OXCT1: variants seen among roughly 807,000 people sequenced by gnomAD.
The protein encoded by OXCT1 is succinyl-CoA:3-ketoacid coenzyme A transferase 1, mitochondrial.
In OXCT1, 27 loss-of-function variants were observed where a neutral mutation model predicts 69.6. The ratio of observed to expected loss-of-function variants is 0.39; its 90% CI spans 0.29 to 0.54. The LOEUF is 0.54. Among genes scored for constraint, OXCT1 ranks in the 20% least tolerant of loss-of-function variants. The pLI is 0.72. For synonymous variants in OXCT1, 202 were observed against 217.8 expected (o/e 0.93, Z 0.64); for missense variants, 437 against 650.2 (o/e 0.67, Z 3.57).
At chr5:41,846,014 T>C (rs955866871) in intron 5 of OXCT1, among the ~76,000 whole-genome samples, 4 of 152,080 alleles carry the variant, frequency 2.6e-5, no homozygotes, top group Non-Finnish European at 5.9e-5. Flanking sequence ...GCTTAAGAAA[T>C]AGAACATTAA....
intron 7 of OXCT1, among the ~76,000 whole-genome samples, chr5:41,817,371 A>G (rs1747301014): frequency 6.6e-6 from 1 of 152,212 alleles, no homozygotes; most frequent in Non-Finnish European, 1.5e-5. Flanking sequence ...TTAAAATGAA[A>G]AAGTTGAACT....
intron 7 of OXCT1, among the ~76,000 whole-genome samples, chr5:41,809,831 C>T (rs933483057): frequency 6.6e-6 from 1 of 152,020 alleles, no homozygotes; most frequent in Non-Finnish European, 1.5e-5. Context: ...GGTAAAACAA[C>T]TCCGATAAGC....
At chr5:41,746,398 G>A (rs751426390) in intron 15 of OXCT1, among the ~76,000 whole-genome samples, 9 of 152,002 alleles carry the variant, frequency 5.9e-5, no homozygotes, top group Non-Finnish European at 1.3e-4. Context: ...ATTTTCTCTG[G>A]ATCTGATAAT....
chr5:41,757,379 T>C (rs1167212003), intron 14 of OXCT1, among the ~76,000 whole-genome samples: 1 of 151,966 alleles, frequency 6.6e-6, no homozygotes, highest in Non-Finnish European at 1.5e-5. Flanking sequence ...TCTTTGTTGC[T>C]CCCCAACAAT....
chr5:41,736,566 C>T (rs1273318912), intron 16 of OXCT1, among the ~76,000 whole-genome samples: 2 of 151,880 alleles, frequency 1.3e-5, no homozygotes, highest in African/African-American at 2.4e-5. Context: ...ATCCTAAAAC[C>T]AAAATTTTGT....
Position 41,739,486 on chromosome 5 carries a change from C to T in OXCT1, c.1425G>A (p.Val475=). 6.2e-7 allele frequency: 1 copy of T among 1,607,004 alleles called. No homozygotes were observed. Among genetic ancestry groups the T allele is most frequent in the Non-Finnish European group, 8.5e-7 (1 of 1,173,552 alleles). ...ACCCTTTCTTCTTGTCCACATCAAA[C>T]ACAGCCTGTCAGAGTGGGAAGAAAA... is the stretch of plus-strand genomic sequence containing the variant. ...CVNRIITEKA[V]FDVDKKKGLT... The change falls in exon 16 of 17, where the codon GTG becomes GTA. Residue 475 remains valine, a synonymous_variant. Coordinates refer to ENST00000196371, the MANE Select transcript of OXCT1 (RefSeq NM_000436.4).
At chr5:41,869,241 G>A (rs1223105441) in intron 1 of OXCT1, among the ~76,000 whole-genome samples, 1 of 152,202 alleles carries the variant, frequency 6.6e-6, no homozygotes, top group Admixed American at 6.5e-5. Flanking sequence ...GGGATTGGAT[G>A]CAGGAAAGAG....
intron 7 of OXCT1, among the ~76,000 whole-genome samples, chr5:41,827,723 T>C (rs1747876785): frequency 1.3e-5 from 2 of 152,180 alleles, no homozygotes; most frequent in Non-Finnish European, 2.9e-5. Context: ...AACTTCCTGA[T>C]TTGAGGCTTT....
rs542806259 is a variant in OXCT1, at chr5:41,738,050, G to A, written c.1521+1340C>T. Among the ~76,000 whole-genome samples, 498 of 151,890 alleles carry A rather than the reference G, an allele frequency of 3.3e-3. 2 individuals carry two copies. Among genetic ancestry groups the A allele is most frequent in the African/African-American group, 0.011 (453 of 41,434 alleles). ...AGCCTGGGCAACAGAACAAGACTCCGTCTTAAAAAAAAAATGTGTTATGCA... is the reference window on the plus strand; with the variant it reads ...AGCCTGGGCAACAGAACAAGACTCCATCTTAAAAAAAAAATGTGTTATGCA... On this transcript the variant is annotated intron_variant, in intron 16 of 16. Transcript: ENST00000196371.
chr5:41,762,086 A>T lies in OXCT1; in HGVS notation c.1338+25T>A, dbSNP rs1394973769. ...TGTATTGCAAATTTCCAAAAGCAGT[A>T]TTTGGGGAGCACAGTACATGTTACC... On this transcript the variant is annotated intron_variant, in intron 14 of 16. Transcript: ENST00000196371. This position sits in a 1 kb window ranked among gnomAD's most constrained non-coding sequence, Gnocchi z 4.0. 3.3e-6 allele frequency: 5 copies of T among 1,535,448 alleles called. No homozygotes were observed. The highest frequency in any genetic ancestry group is 3.3e-5 in the Admixed American group (2 of 59,858).
At chr5:41,741,465 T>G (rs1743164550) in intron 15 of OXCT1, among the ~76,000 whole-genome samples, 1 of 152,150 alleles carries the variant, frequency 6.6e-6, no homozygotes, top group African/African-American at 2.4e-5. Flanking sequence ...AAAATGTACT[T>G]CCCAAGATTG....
At chr5:41,743,795 T>C (rs1442494620) in intron 15 of OXCT1, among the ~76,000 whole-genome samples, 3 of 152,236 alleles carry the variant, frequency 2.0e-5, no homozygotes, top group African/African-American at 2.4e-5. Context: ...GTTGTACATA[T>C]GTGGCATTAT....
chr5:41,743,504 T>C (rs1743300202), intron 15 of OXCT1, among the ~76,000 whole-genome samples: 1 of 152,256 alleles, frequency 6.6e-6, no homozygotes, highest in Admixed American at 6.5e-5. Context: ...TTTGTCAATT[T>C]TGGCTTTTGT....
rs759374202 is a variant in OXCT1 at position 41,861,334 on chromosome 5, A to G, written c.258T>C (p.Thr86=). Residue 86 remains threonine, a synonymous_variant, in exon 3 of 17, where the codon ACT becomes ACC. Coordinates refer to ENST00000196371, the MANE Select transcript of OXCT1 (RefSeq NM_000436.4). ...CTTACCCTGCATTGTTGCTGACTGC[A>G]GTTAGTCCTTTTACTCCAGTTTTCA... The part of the protein sequence containing the change: ...ALLKTGVKGL[T]AVSNNAGVDN... 6.2e-7 allele frequency: 1 copy of G among 1,608,086 alleles called. No individual in the cohort carries two copies. Among genetic ancestry groups the G allele is most frequent in the South Asian group, 1.1e-5 (1 of 90,992 alleles).
At chr5:41,808,826 G>T (rs186578752) in intron 7 of OXCT1, among the ~76,000 whole-genome samples, 108 of 152,188 alleles carry the variant, frequency 7.1e-4, no homozygotes, top group Non-Finnish European at 1.4e-3. Context: ...GGAACTTTCA[G>T]CCATTAGGGC....
At chr5:41,778,029 G>T (rs1388833137) in intron 13 of OXCT1, among the ~76,000 whole-genome samples, 1 of 152,184 alleles carries the variant, frequency 6.6e-6, no homozygotes, top group Non-Finnish European at 1.5e-5. Flanking sequence ...CAAACAGATA[G>T]TGAATGGCTA....
intron 13 of OXCT1, among the ~76,000 whole-genome samples, chr5:41,788,805 T>C (rs1378378937): frequency 6.6e-6 from 1 of 152,120 alleles, no homozygotes; most frequent in Non-Finnish European, 1.5e-5. Context: ...TACAGAACAC[T>C]GTACCCAACA....
At chr5:41,795,861 A>G (rs1220358341) in intron 11 of OXCT1, among the ~76,000 whole-genome samples, 1 of 152,194 alleles carries the variant, frequency 6.6e-6, no homozygotes, top group Non-Finnish European at 1.5e-5. Flanking sequence ...TTGGTTAAGT[A>G]TATCTCAGTG....
chr5:41,770,104 C>A (rs1744814333), intron 13 of OXCT1, among the ~76,000 whole-genome samples: 1 of 152,212 alleles, frequency 6.6e-6, no homozygotes, highest in Non-Finnish European at 1.5e-5. Flanking sequence ...TGTTCACCTT[C>A]AACCCAGTGC....
Sources: allele counts gnomAD v4.1 joint callset (sites outside exome capture counted in the v4.1 genomes callset), GRCh38; gene constraint gnomAD v4.1.1; non-coding constraint Gnocchi (gnomAD v3.1); transcripts MANE v1.5; gene names NCBI Gene and HGNC (gene_info 2026-07-23, HGNC 2026-07-21).